Variants in NDUFA10 observed in about 807,000 individuals in gnomAD.
NDUFA10 encodes NADH:ubiquinone oxidoreductase subunit A10, also known as NADH dehydrogenase [ubiquinone] 1 alpha subcomplex subunit 10, mitochondrial.
NDUFA10 carries 40 observed loss-of-function variants against 47.8 expected under a neutral mutation model. The observed-to-expected ratio is 0.84, with a 90% CI of 0.65 to 1.09. The LOEUF is 1.09. Ranked by LOEUF, NDUFA10 falls within the 50% of genes least tolerant of loss-of-function variation. The pLI, the probability that NDUFA10 is intolerant of heterozygous loss-of-function variation, is 0.00. For synonymous variants in NDUFA10, 183 were observed against 172.2 expected (o/e 1.06, Z -0.49); for missense variants, 413 against 451.1 (o/e 0.92, Z 0.76).
At chr2:240,002,286 C>T (rs7609118) in intron 8 of NDUFA10, among the ~76,000 whole-genome samples, 10 of 145,670 alleles carry the variant, frequency 6.9e-5, no homozygotes, top group Admixed American at 2.1e-4. Flanking sequence ...GCTGAGATTG[C>T]GCCACTGCAC....
Position 240,016,479 on chromosome 2 carries a change from C to T in NDUFA10, c.548-1619G>A, listed in dbSNP as rs530582562. 1.1e-3 allele frequency among the ~76,000 whole-genome samples: 173 copies of T among 152,330 alleles called. No individual in the cohort carries two copies. The highest frequency in any genetic ancestry group is 3.9e-3 in the African/African-American group (164 of 41,570). On this transcript the variant is annotated intron_variant, in intron 4 of 9. Transcript: ENST00000252711. The surrounding 1 kb of genome is among the most constrained non-coding windows in gnomAD (Gnocchi z 4.4). ...TTAGCCAACATGATCTGCTTTCCCC[C>T]AGCCCAGCACTCAAACGACTCTGGC...
intron 8 of NDUFA10, among the ~76,000 whole-genome samples, chr2:239,994,188 C>A (rs1356974053): frequency 6.6e-6 from 1 of 152,130 alleles, no homozygotes; most frequent in East Asian, 1.9e-4. Context: ...AGGGTCCTGT[C>A]CCCAGCCTCC....
At chr2:240,009,067 G>T (rs1332744753) in intron 6 of NDUFA10, among the ~76,000 whole-genome samples, 1 of 152,152 alleles carries the variant, frequency 6.6e-6, no homozygotes, top group African/African-American at 2.4e-5. Flanking sequence ...ATTCCTATAG[G>T]TAGCTCAGGG....
Position 240,021,262 on chromosome 2 carries a change from T to C in NDUFA10, c.395A>G (p.Gln132Arg). ...RSNDGNSYRL[Q>R]SWLYSSRLLQ... The stretch of plus-strand genomic sequence containing the variant: ...CAGGCGACTGCTGTACAACCAGGAC[T>C]GCAGGCGGTAACTGTTGCCATCATT... The change falls in exon 3 of 10, where the codon CAG (glutamine) becomes CGG (arginine). Residue 132 changes from glutamine to arginine, a missense_variant. Coordinates refer to ENST00000252711, the MANE Select transcript of NDUFA10 (RefSeq NM_004544.4). The C allele has an allele frequency of 6.2e-7, 1 of 1,614,260 alleles. No individual in the cohort carries two copies. The highest frequency in any genetic ancestry group is 8.5e-7 in the Non-Finnish European group (1 of 1,180,038).
intron 6 of NDUFA10, among the ~76,000 whole-genome samples, chr2:240,009,249 A>T (rs1416484374): frequency 6.6e-6 from 1 of 152,210 alleles, no homozygotes; most frequent in African/African-American, 2.4e-5. Flanking sequence ...CTGAAATCTC[A>T]GAGGTGACGA....
intron 4 of NDUFA10, among the ~76,000 whole-genome samples, chr2:239,902,639 A>G (rs1299312652): frequency 6.6e-6 from 1 of 152,204 alleles, no homozygotes; most frequent in Non-Finnish European, 1.5e-5. Context: ...CTCTGTGTCC[A>G]CAGGACTGGG....
intron 9 of NDUFA10, among the ~76,000 whole-genome samples, chr2:239,965,055 T>A (rs186779677): frequency 3.4e-4 from 52 of 152,296 alleles, no homozygotes; most frequent in Middle Eastern, 3.4e-3. Context: ...ACAGCAGTAC[T>A]GACAGAGGAA....
At chr2:239,939,700 A>G (rs1411906303) in intron 4 of NDUFA10, among the ~76,000 whole-genome samples, 1 of 152,238 alleles carries the variant, frequency 6.6e-6, no homozygotes, top group Non-Finnish European at 1.5e-5. Flanking sequence ...CTAGCCAAAG[A>G]GAAGGAAAGG....
chr2:239,898,128 G>A (rs1197309538), intron 4 of NDUFA10, among the ~76,000 whole-genome samples: 2 of 152,220 alleles, frequency 1.3e-5, no homozygotes, highest in African/African-American at 4.8e-5. Context: ...GAACCACCCA[G>A]GGCCCAGCTC....
intron 4 of NDUFA10, among the ~76,000 whole-genome samples, chr2:239,952,343 G>A (rs914986164): frequency 2.6e-5 from 4 of 152,006 alleles, no homozygotes; most frequent in Admixed American, 6.5e-5. Flanking sequence ...GGGCAGAGAT[G>A]AGGATGCTGT....
rs1008492380 is a variant in NDUFA10 at position 239,928,844 on chromosome 2, C to T, written c.295-33530G>A. ...CGGAGCCTGTGTGGTTGCTCCTTCA[C>T]CCCACTCCTCCCATCAGCGGATCCT... On this transcript the variant is annotated intron_variant, in intron 4 of 5. Transcript: ENST00000419408. The surrounding 1 kb of genome is among the most constrained non-coding windows in gnomAD (Gnocchi z 4.3). 6.6e-6 allele frequency among the ~76,000 whole-genome samples: 1 copy of T among 152,196 alleles called. No homozygotes were observed. Among genetic ancestry groups the T allele is most frequent in the East Asian group, 1.9e-4 (1 of 5,172 alleles).
intron 9 of NDUFA10, among the ~76,000 whole-genome samples, chr2:239,986,856 T>C (rs1574851296): frequency 6.6e-6 from 1 of 152,292 alleles, no homozygotes; most frequent in South Asian, 2.1e-4. Context: ...GATAACTTTA[T>C]AGTGAAGACA....
chr2:239,960,588 C>T lies in NDUFA10; in HGVS notation c.*530G>A. 2.0e-6 allele frequency: 2 copies of T among 1,010,456 alleles called. No homozygotes were observed. 62.6% of individuals were successfully genotyped at this position (1,010,456 alleles called of 1,614,324 possible). On this transcript the variant is annotated 3_prime_UTR_variant, in exon 10 of 10. Coordinates refer to ENST00000252711, the MANE Select transcript of NDUFA10 (RefSeq NM_004544.4). Reference sequence around the variant, plus strand: ...TTTTCTACTCTAATGTAGCACATTACTAAAATAAATACAGTAGGCCTTTAG... The same window carrying T: ...TTTTCTACTCTAATGTAGCACATTATTAAAATAAATACAGTAGGCCTTTAG...
intron 9 of NDUFA10, among the ~76,000 whole-genome samples, chr2:239,988,575 G>A (rs555697979): frequency 6.6e-6 from 1 of 152,306 alleles, no homozygotes; most frequent in South Asian, 2.1e-4. Flanking sequence ...AGACCAAGAG[G>A]AAGCCGCCGA....
intron 6 of NDUFA10, among the ~76,000 whole-genome samples, chr2:240,008,400 GA>G (rs2106476625): frequency 6.6e-6 from 1 of 152,354 alleles, no homozygotes; most frequent in African/African-American, 2.4e-5. Flanking sequence ...GGCTGGCAAG[GA>G]AAAGGCCACA....
chr2:239,966,848 CTTT>C (rs71045922), intron 9 of NDUFA10, among the ~76,000 whole-genome samples: 13 of 113,824 alleles, frequency 1.1e-4, no homozygotes, highest in African/African-American at 3.7e-4. Context: ...GCAAGGATTT[CTTT>C]TTTTTTTTTT....
intron 4 of NDUFA10, among the ~76,000 whole-genome samples, chr2:239,918,704 A>G (rs1462348207): frequency 2.0e-5 from 3 of 152,104 alleles, no homozygotes; most frequent in Non-Finnish European, 4.4e-5. Context: ...GTAGGGGTGG[A>G]GTTGGTGCCT....
intron 4 of NDUFA10, among the ~76,000 whole-genome samples, chr2:239,925,808 C>T (rs1694055024): frequency 6.6e-6 from 1 of 152,142 alleles, no homozygotes; most frequent in African/African-American, 2.4e-5. Flanking sequence ...TCTCAAATCT[C>T]AACAATGATC....
intron 1 of NDUFA10, 152 bp from the exon 2 acceptor site, chr2:240,022,492 G>A: frequency 8.2e-7 from 1 of 1,223,732 alleles, no homozygotes; most frequent in Middle Eastern, 1.9e-4. Context: ...TTAATTATCT[G>A]TCTATCCCCC....
Sources: gnomAD v4.1 joint callset for allele counts (sites outside exome capture counted in the v4.1 genomes callset) on GRCh38, gnomAD v4.1.1 for gene constraint, Gnocchi (gnomAD v3.1) non-coding constraint, MANE v1.5 for transcripts, NCBI Gene and HGNC (gene_info 2026-07-23, HGNC 2026-07-21) for gene names.